Variants in DMTN observed in about 807,000 individuals in gnomAD.
The protein encoded by DMTN is dematin.
In DMTN, 27 loss-of-function variants were observed where a neutral mutation model predicts 59.4. The ratio of observed to expected loss-of-function variants is 0.45; its 90% confidence interval spans 0.33 to 0.63. The LOEUF (loss-of-function observed/expected upper bound fraction) is 0.63. Ranked by LOEUF, DMTN falls within the 20% of genes least tolerant of loss-of-function variation. DMTN has a pLI of 0.02. For missense variants in DMTN, 451 were observed against 528.9 expected, an observed-to-expected ratio of 0.85 and a Z score of 1.45; for synonymous variants, 221 against 203.7, an observed-to-expected ratio of 1.08 and a Z score of -0.72.
At chr8:22,080,997 A>T (rs1011513562) in intron 14 of DMTN, 116 bp from the exon 15 acceptor site, 7 of 1,474,552 alleles carry the variant, frequency 4.7e-6, no homozygotes, top group East Asian at 2.3e-5. Flanking sequence ...GTTGGGGGAG[A>T]CAGAGGGCAA....
chr8:22,050,693 C>T (rs1053903134), upstream of DMTN, among the ~76,000 whole-genome samples: 1 of 152,114 alleles, frequency 6.6e-6, no homozygotes, highest in African/African-American at 2.4e-5. Context: ...CTGTGCTGTC[C>T]CAGGGAGTGC....
At chr8:22,067,054 G>C in intron 2 of DMTN, 31 bp from the exon 3 acceptor site, 1 of 1,566,802 alleles carries the variant, frequency 6.4e-7, no homozygotes, top group Non-Finnish European at 8.7e-7. Flanking sequence ...ACACGCACGT[G>C]CCCACCCGCC....
chr8:22,067,459 A>G (rs56171291), intron 3 of DMTN, 68 bp from the exon 4 acceptor site: 203,543 of 1,587,218 alleles, frequency 0.13, 14,490 homozygotes, highest in Admixed American at 0.22. Context: ...ACGTAAGTCT[A>G]GCTAGCAGGG....
rs1269555933 is a variant in DMTN, at chr8:22,060,246, G to A, written c.-172+3110G>A. ...TTGGGGATGCAGGCACAGACAGGCG[G>A]GGTGCATGGATGGGAGAGGGGTCTG... On this transcript the variant is annotated intron_variant, in intron 1 of 15. Transcript: ENST00000358242. This position sits in a 1 kb window ranked among gnomAD's most constrained non-coding sequence, Gnocchi z 5.0. Among the ~76,000 whole-genome samples, 2 of 152,172 alleles carry A rather than the reference G, an allele frequency of 1.3e-5. No individual in the cohort carries two copies. The highest frequency in any genetic ancestry group is 2.9e-5 in the Non-Finnish European group (2 of 68,038).
intron 4 of DMTN, 133 bp from the exon 5 acceptor site, chr8:22,068,883 A>C: frequency 1.9e-6 from 2 of 1,033,968 alleles, no homozygotes; most frequent in Non-Finnish European, 3.0e-6. Context: ...GGATCCAAGA[A>C]AGCAGAGGTG....
intron 5 of DMTN, 139 bp downstream of exon 5, chr8:22,069,199 C>G: frequency 9.3e-7 from 1 of 1,070,804 alleles, no homozygotes; most frequent in Non-Finnish European, 1.3e-6. Flanking sequence ...CACTGGCCAG[C>G]TCTGTGTCCA....
intron 8 of DMTN, among the ~76,000 whole-genome samples, chr8:22,072,037 G>A (rs1433120578): frequency 6.6e-6 from 1 of 152,020 alleles, no homozygotes; most frequent in Non-Finnish European, 1.5e-5. Context: ...GGGACTACAG[G>A]CATGCCCTAC....
In DMTN at chr8:22,082,049, G is replaced by C. The variant is rs1246914583; in HGVS notation, c.*586G>C. The C allele has an allele frequency of 2.2e-6, 1 of 456,886 alleles. No homozygotes were observed. Among genetic ancestry groups the C allele is most frequent in the Admixed American group, 2.3e-5 (1 of 42,586 alleles). 28.3% of individuals were successfully genotyped at this position (456,886 alleles called of 1,614,324 possible). A position where few individuals can be genotyped will look rare whatever the true frequency, so the allele number is the denominator to read the frequency against. ...CCGAGCTTCCAAGCCTTTTGCTCCAGCCCTGCGGCTTCCCCAGAAGCCTGG... is the reference window on the plus strand; with the variant it reads ...CCGAGCTTCCAAGCCTTTTGCTCCACCCCTGCGGCTTCCCCAGAAGCCTGG... On this transcript the variant is annotated 3_prime_UTR_variant, in exon 16 of 16. Transcript: ENST00000358242.
chr8:22,074,077 G>A (rs1817889612), intron 10 of DMTN, among the ~76,000 whole-genome samples: 1 of 152,230 alleles, frequency 6.6e-6, no homozygotes, highest in Admixed American at 6.5e-5. Flanking sequence ...CCATGTGCTA[G>A]GCACTGGGCA....
Position 22,082,207 on chromosome 8 carries a change from G to A in DMTN, c.*744G>A. 1 of 456,964 alleles carries A rather than the reference G, an allele frequency of 2.2e-6. No homozygotes were observed. Among genetic ancestry groups the A allele is most frequent in the South Asian group, 1.5e-5 (1 of 64,574 alleles). 28.3% of individuals were successfully genotyped at this position (456,964 alleles called of 1,614,324 possible). ...TTCCGCCTCCCTTGGATGGGGTCAA[G>A]AGGCCAGGCCTGGCACATTTTGGAG... On this transcript the variant is annotated 3_prime_UTR_variant, in exon 16 of 16. Transcript: ENST00000358242.
In DMTN at chr8:22,078,906, C is replaced by T. The variant is rs150241136; in HGVS notation, c.836-1274C>T. Among the ~76,000 whole-genome samples the T allele has an allele frequency of 7.5e-3, 1,131 of 150,576 alleles. 10 individuals carry two copies. The highest frequency in any genetic ancestry group is 0.026 in the African/African-American group (1,076 of 40,908). On this transcript the variant is annotated intron_variant, in intron 10 of 15. Transcript: ENST00000358242. ...CCGCCTCCCAGGTTCACGCCATTCT[C>T]CTGCCTCAGCCTCCCAAGTAGCTGG...
At chr8:22,080,036 G>A in intron 10 of DMTN, 144 bp from the exon 11 acceptor site, 4 of 832,560 alleles carry the variant, frequency 4.8e-6, no homozygotes, top group Non-Finnish European at 7.9e-6. Context: ...GTAGGAGCTG[G>A]GAGCTAGCAG....
upstream of DMTN, among the ~76,000 whole-genome samples, chr8:22,052,650 C>G (rs900028344): frequency 6.6e-6 from 1 of 152,154 alleles, no homozygotes; most frequent in Non-Finnish European, 1.5e-5. Flanking sequence ...TTGGAAAACC[C>G]TCTCTTACAC....
chr8:22,050,754 T>A (rs1801269799), upstream of DMTN, among the ~76,000 whole-genome samples: 1 of 151,958 alleles, frequency 6.6e-6, no homozygotes, highest in South Asian at 2.1e-4. Context: ...CCGCCCTGGG[T>A]CTCTGGGTCT....
intron 8 of DMTN, among the ~76,000 whole-genome samples, chr8:22,071,560 AATT>A (rs1324283902): frequency 6.6e-6 from 1 of 151,714 alleles, no homozygotes; most frequent in East Asian, 1.9e-4. Flanking sequence ...ACACCTGGCT[AATT>A]TTTATATTTA....
chr8:22,074,096 G>C (rs759867972), intron 10 of DMTN, among the ~76,000 whole-genome samples: 7 of 152,210 alleles, frequency 4.6e-5, no homozygotes, highest in Admixed American at 2.0e-4. Context: ...CATATAAGCA[G>C]GGAAAAAATC....
intron 1 of DMTN, among the ~76,000 whole-genome samples, chr8:22,059,749 C>A (rs956661359): frequency 3.9e-5 from 6 of 152,204 alleles, no homozygotes; most frequent in African/African-American, 1.4e-4. Flanking sequence ...TGCCACCAAG[C>A]AGGTAGTGGT....
At chr8:22,049,011 T>G (rs944891267), upstream of DMTN, 7 of 147,178 alleles carry the variant, frequency 4.8e-5, no homozygotes, top group Admixed American at 1.3e-4. Context: ...TCGGGTTTCC[T>G]GGGCTCGCGC....
chr8:22,080,354 G>A, intron 11 of DMTN, 58 bp from the exon 12 acceptor site: 2 of 1,613,686 alleles, frequency 1.2e-6, no homozygotes, highest in Non-Finnish European at 1.7e-6. Context: ...CCCCCAAAGT[G>A]AAGGGGACCA....
Sources: allele counts gnomAD v4.1 joint callset (sites outside exome capture counted in the v4.1 genomes callset), GRCh38; gene constraint gnomAD v4.1.1; non-coding constraint Gnocchi (gnomAD v3.1); transcripts MANE v1.5; gene names NCBI Gene and HGNC (gene_info 2026-07-23, HGNC 2026-07-21).